ACAP2: variants seen among roughly 807,000 people sequenced by gnomAD.
ACAP2 encodes the protein arf-GAP with coiled-coil, ANK repeat and PH domain-containing protein 2.
A neutral mutation model predicts 115.8 loss-of-function variants in ACAP2; 39 were observed. The ratio of observed to expected loss-of-function variants is 0.34; its 90% confidence interval spans 0.26 to 0.44. The LOEUF (loss-of-function observed/expected upper bound fraction) is 0.44, where lower values mean the gene tolerates loss of function less well. Among genes scored for constraint, ACAP2 ranks in the 20% least tolerant of loss-of-function variants. The pLI is 1.00. For synonymous variants in ACAP2, 289 were observed against 315.8 expected, an observed-to-expected ratio of 0.92 and a Z score of 0.90; for missense variants, 662 against 927.6, an observed-to-expected ratio of 0.71 and a Z score of 3.72.
At chr3:195,380,187 C>A (rs904108489) in intron 4 of ACAP2, among the ~76,000 whole-genome samples, 1 of 152,052 alleles carries the variant, frequency 6.6e-6, no homozygotes, top group African/African-American at 2.4e-5. Flanking sequence ...GATACTTGTA[C>A]ATGTCAATAT....
At chr3:195,392,200 T>A (rs1287166364) in intron 1 of ACAP2, 53 bp from the exon 2 acceptor site, 2 of 1,415,360 alleles carry the variant, frequency 1.4e-6, no homozygotes, top group Non-Finnish European at 2.0e-6. Context: ...ATGTACACTT[T>A]ACTCTTGAAA....
At chr3:195,425,026 CAAAAA>C (rs10690317) in intron 1 of ACAP2, among the ~76,000 whole-genome samples, 123 of 26,602 alleles carry the variant, frequency 4.6e-3, no homozygotes, top group Admixed American at 0.013. Context: ...GACTCCGTCT[CAAAAA>C]AAAAAAAAAA....
intron 1 of ACAP2, among the ~76,000 whole-genome samples, chr3:195,440,226 T>C (rs1715896807): frequency 6.6e-6 from 1 of 152,034 alleles, no homozygotes; most frequent in African/African-American, 2.4e-5. Flanking sequence ...TACAACGAAA[T>C]GTGCCCTCCA....
chr3:195,294,316 G>T (rs1727472654), intron 18 of ACAP2, among the ~76,000 whole-genome samples: 1 of 151,382 alleles, frequency 6.6e-6, no homozygotes, highest in African/African-American at 2.4e-5. Context: ...GCCGGGCACG[G>T]TGGCTCAAAT....
In ACAP2 at chr3:195,359,587, C is replaced by T. The variant is rs1577354673; in HGVS notation, c.286-14270G>A. Among the ~76,000 whole-genome samples, 4 of 152,294 alleles carry T rather than the reference C, an allele frequency of 2.6e-5. No individual in the cohort carries two copies. In the East Asian group the frequency reaches 5.8e-4, roughly 22 times the overall value. On this transcript the variant is annotated intron_variant, in intron 4 of 22. Transcript: ENST00000326793. ...GGTTCACGCCATTCTCCTGCCTCAG[C>T]CTCCCAAGTAGCTGGGACTACAGGC...
intron 10 of ACAP2, among the ~76,000 whole-genome samples, chr3:195,315,694 G>A (rs566581963): frequency 6.6e-5 from 10 of 152,204 alleles, no homozygotes; most frequent in African/African-American, 2.4e-4. Context: ...TATGATTCTA[G>A]TCAATAACTG....
At chr3:195,407,106 T>C (rs1712837064) in intron 1 of ACAP2, among the ~76,000 whole-genome samples, 1 of 151,842 alleles carries the variant, frequency 6.6e-6, no homozygotes. Context: ...TAAATATCTG[T>C]ACATGCAATA....
intron 4 of ACAP2, chr3:195,349,844 T>C (rs1731434131): frequency 5.6e-6 from 2 of 356,434 alleles, no homozygotes; most frequent in Non-Finnish European, 1.1e-5. Flanking sequence ...GATGTGCGCA[T>C]TGACACCAGG....
intron 4 of ACAP2, among the ~76,000 whole-genome samples, chr3:195,380,366 T>A (rs1272089881): frequency 6.6e-6 from 1 of 152,198 alleles, no homozygotes; most frequent in Non-Finnish European, 1.5e-5. Context: ...GCTAATAAAT[T>A]TTAAAGCACT....
chr3:195,390,577 C>T (rs923210384), intron 2 of ACAP2, among the ~76,000 whole-genome samples: 1 of 152,080 alleles, frequency 6.6e-6, no homozygotes, highest in Non-Finnish European at 1.5e-5. Flanking sequence ...TACTCAAAAG[C>T]GTGGTCCATG....
intron 1 of ACAP2, among the ~76,000 whole-genome samples, chr3:195,425,574 T>C (rs1461531583): frequency 6.6e-6 from 1 of 152,122 alleles, no homozygotes; most frequent in Non-Finnish European, 1.5e-5. Context: ...ATCACATCAG[T>C]TTTTAAAGTA....
intron 1 of ACAP2, among the ~76,000 whole-genome samples, chr3:195,399,620 G>GA (rs67524107): frequency 2.7e-5 from 4 of 149,478 alleles, no homozygotes; most frequent in South Asian, 2.1e-4. Flanking sequence ...AAAAAGTAGC[G>GA]AAAAAAAAAA....
intron 22 of ACAP2, among the ~76,000 whole-genome samples, chr3:195,284,054 TAGAG>T (rs1358927756): frequency 2.0e-5 from 3 of 152,150 alleles, no homozygotes; most frequent in Non-Finnish European, 1.5e-5. Flanking sequence ...GGCAAGAACT[TAGAG>T]GCCCTTTCCT....
chr3:195,432,528 A>G (rs1270867462), intron 1 of ACAP2, among the ~76,000 whole-genome samples: 1 of 152,204 alleles, frequency 6.6e-6, no homozygotes, highest in Non-Finnish European at 1.5e-5. Context: ...GGACTCTTCA[A>G]TTCTATTTCA....
intron 9 of ACAP2, among the ~76,000 whole-genome samples, chr3:195,326,091 T>C (rs1057297730): frequency 4.6e-5 from 7 of 152,232 alleles, no homozygotes; most frequent in Admixed American, 6.5e-5. Flanking sequence ...TCTAGTTTAC[T>C]GGTATTTTAA....
rs565947324 is a variant in ACAP2 at position 195,340,231 on chromosome 3, C to T, written c.528+2240G>A. ...AGGAATTTTCAAGACATTTTGGCAA[C>T]TAGATATACTGGCTTACAATGAGGA... On this transcript the variant is annotated intron_variant, in intron 6 of 22. Coordinates refer to ENST00000326793, the MANE Select transcript of ACAP2 (RefSeq NM_012287.6). 4.7e-5 allele frequency among the ~76,000 whole-genome samples: 7 copies of T among 150,396 alleles called. No individual in the cohort carries two copies. In the South Asian group the frequency reaches 1.5e-3, roughly 32 times the overall value.
intron 20 of ACAP2, among the ~76,000 whole-genome samples, chr3:195,289,803 CAAA>C (rs35498756): frequency 2.7e-5 from 3 of 111,986 alleles, no homozygotes; most frequent in African/African-American, 7.1e-5. Context: ...GACTCCGTCT[CAAA>C]AAAAAAAAAA....
At chr3:195,342,994 C>CAA (rs11444212) in intron 5 of ACAP2, among the ~76,000 whole-genome samples, 1,572 of 129,116 alleles carry the variant, frequency 0.012, 31 homozygotes, top group African/African-American at 0.039. Flanking sequence ...GACTCCGACT[C>CAA]AAAAAAAAAA....
chr3:195,351,328 G>A (rs1731572430), intron 4 of ACAP2, among the ~76,000 whole-genome samples: 1 of 151,986 alleles, frequency 6.6e-6, no homozygotes, highest in Admixed American at 6.6e-5. Flanking sequence ...TGTTGCCCAG[G>A]ATGGTCATGA....
Sources: gnomAD v4.1 joint callset for allele counts (sites outside exome capture counted in the v4.1 genomes callset) on GRCh38, gnomAD v4.1.1 for gene constraint, MANE v1.5 for transcripts, NCBI Gene and HGNC (gene_info 2026-07-23, HGNC 2026-07-21) for gene names.